PCM1: variants seen among roughly 807,000 people sequenced by gnomAD.
PCM1 encodes the protein pericentriolar material 1, also known as pericentriolar material 1 protein.
PCM1 carries 157 observed loss-of-function variants against 241.9 expected under a neutral mutation model. The ratio of observed to expected loss-of-function variants is 0.65; its 90% CI spans 0.57 to 0.74. The LOEUF (loss-of-function observed/expected upper bound fraction) is 0.74, where lower values mean the gene tolerates loss of function less well. Among genes scored for constraint, PCM1 ranks in the 30% least tolerant of loss-of-function variants. The pLI, the probability that PCM1 is intolerant of heterozygous loss-of-function variation, is 0.00. For missense variants in PCM1, 3,478 were observed against 2,360.1 expected (o/e 1.47, Z -9.81); for synonymous variants, 1,085 against 784.9 (o/e 1.38, Z -6.39).
chr8:18,004,863 A>G (rs1198991307), intron 29 of PCM1, among the ~76,000 whole-genome samples: 1 of 152,146 alleles, frequency 6.6e-6, no homozygotes, highest in African/African-American at 2.4e-5. Context: ...CATGAAGTGC[A>G]TTTTTACTAA....
intron 13 of PCM1, among the ~76,000 whole-genome samples, chr8:17,959,090 G>A (rs2070312906): frequency 6.6e-6 from 1 of 151,924 alleles, no homozygotes; most frequent in Admixed American, 6.6e-5. Context: ...CCTTTTCTCT[G>A]CAGTTAGGTA....
intron 21 of PCM1, among the ~76,000 whole-genome samples, chr8:17,968,548 T>C (rs1248880280): frequency 6.6e-6 from 1 of 151,938 alleles, no homozygotes; most frequent in Non-Finnish European, 1.5e-5. Context: ...AGTGACCGAT[T>C]ATATGAGGTG....
chr8:17,937,041 A>G lies in PCM1; in HGVS notation c.97-93A>G, dbSNP rs961069587. ...CTGTCAAAAATGTCTTGTCTTTTTT[A>G]ATTTTAAAACTGACCAAAACTTTTT... On this transcript the variant is annotated intron_variant, in intron 3 of 38. Transcript: ENST00000325083. The G allele has an allele frequency of 3.1e-6, 3 of 963,490 alleles. No homozygotes were observed. The African/African-American group carries it at 5.0e-5, about 16-fold the overall frequency. 59.7% of individuals were successfully genotyped at this position (963,490 alleles called of 1,614,324 possible). A position where few individuals can be genotyped will look rare whatever the true frequency, so the allele number is the denominator to read the frequency against.
chr8:17,985,379 C>G (rs759825053), intron 24 of PCM1, 68 bp from the exon 25 acceptor site: 64 of 978,624 alleles, frequency 6.5e-5, no homozygotes, highest in Non-Finnish European at 8.9e-5. Context: ...AGTAATGATA[C>G]TAGCTAATAA....
chr8:17,959,907 T>C, intron 13 of PCM1, 107 bp from the exon 14 acceptor site: 1 of 1,082,068 alleles, frequency 9.2e-7, no homozygotes, highest in South Asian at 1.5e-5. Flanking sequence ...TCTTTACTGC[T>C]TTAATCTTTT....
Position 17,984,691 on chromosome 8 carries a change from A to G in PCM1, c.4109-756A>G, listed in dbSNP as rs200724071. On this transcript the variant is annotated intron_variant, in intron 24 of 38. Coordinates refer to ENST00000325083, the MANE Select transcript of PCM1 (RefSeq NM_006197.4). ...GTATACTTCTTTGAAAGCGCAATGT[A>G]TTAAGATACTCAACATTTTAAATGG... 2.8e-4 allele frequency among the ~76,000 whole-genome samples: 43 copies of G among 152,094 alleles called. No individual in the cohort carries two copies. The East Asian group carries it at 7.5e-3, about 27-fold the overall frequency.
At chr8:17,924,516 A>G (rs2129444676) in intron 1 of PCM1, among the ~76,000 whole-genome samples, 197 bp from the exon 2 acceptor site, 1 of 152,312 alleles carries the variant, frequency 6.6e-6, no homozygotes, top group South Asian at 2.1e-4. Flanking sequence ...AGTTTAGGGG[A>G]TTTAAGCATT....
chr8:18,001,995 C>CTT (rs1166401113), intron 29 of PCM1, among the ~76,000 whole-genome samples: 3 of 23,404 alleles, frequency 1.3e-4, no homozygotes, highest in Non-Finnish European at 2.0e-4. Context: ...TCTAACCTTT[C>CTT]TTTTTTTTTT....
intron 29 of PCM1, among the ~76,000 whole-genome samples, chr8:18,004,576 GAACT>G (rs2090703327): frequency 6.6e-6 from 1 of 152,150 alleles, no homozygotes; most frequent in South Asian, 2.1e-4. Context: ...GTAAAGAGTA[GAACT>G]AATAATCTGA....
chr8:17,957,156 C>T (rs1055021480), intron 11 of PCM1, 108 bp from the exon 12 acceptor site: 10 of 807,914 alleles, frequency 1.2e-5, no homozygotes, highest in African/African-American at 1.2e-4. Flanking sequence ...AATGGAATAG[C>T]CAACAATGTG....
At chr8:18,020,539 G>A (rs187804725) in intron 36 of PCM1, among the ~76,000 whole-genome samples, 1 of 152,270 alleles carries the variant, frequency 6.6e-6, no homozygotes, top group Admixed American at 6.5e-5. Flanking sequence ...AAAACTGTGT[G>A]TGTGGTATCA....
At chr8:17,988,188 A>G (rs946883460) in intron 26 of PCM1, among the ~76,000 whole-genome samples, 8 of 140,988 alleles carry the variant, frequency 5.7e-5, no homozygotes, top group Non-Finnish European at 1.3e-4. Context: ...AAGCACATCA[A>G]GTCTTACTTG....
At chr8:17,945,897 C>G (rs1211878534) in intron 6 of PCM1, among the ~76,000 whole-genome samples, 4 of 152,064 alleles carry the variant, frequency 2.6e-5, no homozygotes, top group Non-Finnish European at 4.4e-5. Context: ...TTAAAATTGA[C>G]TAAGTGAAAC....
intron 2 of PCM1, among the ~76,000 whole-genome samples, chr8:17,931,468 T>C (rs1421907710): frequency 6.6e-6 from 1 of 152,122 alleles, no homozygotes; most frequent in East Asian, 1.9e-4. Flanking sequence ...TTTGTATTTT[T>C]AGTAGAGATA....
intron 27 of PCM1, among the ~76,000 whole-genome samples, chr8:17,990,622 G>C (rs1388329992): frequency 2.0e-5 from 3 of 151,942 alleles, no homozygotes; most frequent in Non-Finnish European, 2.9e-5. Flanking sequence ...GTAGATACTT[G>C]ATACGTTTCT....
chr8:17,928,751 CCT>C (rs1171333376), intron 2 of PCM1, among the ~76,000 whole-genome samples: 46 of 151,754 alleles, frequency 3.0e-4, no homozygotes, highest in Non-Finnish European at 1.9e-4. Flanking sequence ...CCTGCCTCAG[CCT>C]CTCTTGTAGC....
intron 5 of PCM1, among the ~76,000 whole-genome samples, chr8:17,939,330 T>G (rs2061355540): frequency 6.6e-6 from 1 of 152,140 alleles, no homozygotes; most frequent in South Asian, 2.1e-4. Context: ...AAATGGCAAA[T>G]ATTCTTTTGA....
intron 23 of PCM1, 138 bp downstream of exon 23, chr8:17,972,825 T>A (rs188724407): frequency 6.9e-4 from 278 of 400,310 alleles, no homozygotes; most frequent in African/African-American, 3.9e-3. Flanking sequence ...CATTTTTAGT[T>A]ACCTTTATAT....
chr8:17,994,245 T>G (rs2085787624), intron 29 of PCM1, among the ~76,000 whole-genome samples: 1 of 152,222 alleles, frequency 6.6e-6, no homozygotes, highest in South Asian at 2.1e-4. Context: ...TTAAATTGTT[T>G]TAATTTTTAG....
Sources: allele counts gnomAD v4.1 joint callset (sites outside exome capture counted in the v4.1 genomes callset), GRCh38; gene constraint gnomAD v4.1.1; transcripts MANE v1.5; gene names NCBI Gene and HGNC (gene_info 2026-07-23, HGNC 2026-07-21).